Variants in SLC4A4 observed in about 807,000 individuals in gnomAD.
The protein encoded by SLC4A4 is solute carrier family 4 member 4.
Under a neutral mutation model 111.5 loss-of-function variants are expected in SLC4A4, and 27 were observed. The ratio of observed to expected loss-of-function variants is 0.24; its 90% CI spans 0.18 to 0.33. The LOEUF is 0.33. SLC4A4 is among the 10% of genes least tolerant of loss of function. The pLI, the probability that SLC4A4 is intolerant of heterozygous loss-of-function variation, is 1.00. For synonymous variants in SLC4A4, 443 were observed against 463.4 expected (o/e 0.96, Z 0.57); for missense variants, 909 against 1,315.5 (o/e 0.69, Z 4.78).
intron 1 of SLC4A4, among the ~76,000 whole-genome samples, chr4:71,086,881 C>G (rs1313153244): frequency 2.0e-5 from 3 of 151,898 alleles, no homozygotes; most frequent in African/African-American, 4.8e-5. Context: ...TTTGTTGTGT[C>G]TCTGCCAGGC....
chr4:71,502,328 T>A (rs920541022), intron 16 of SLC4A4, among the ~76,000 whole-genome samples: 1 of 152,212 alleles, frequency 6.6e-6, no homozygotes. Flanking sequence ...TGTCTTAGTC[T>A]TTATTTCTTC....
At chr4:71,389,470 C>T (rs1159574628) in intron 6 of SLC4A4, among the ~76,000 whole-genome samples, 1 of 152,200 alleles carries the variant, frequency 6.6e-6, no homozygotes, top group Non-Finnish European at 1.5e-5. Context: ...CCTTATTTCT[C>T]CTCCATCCTC....
At chr4:71,546,274 A>T in intron 18 of SLC4A4, 76 bp from the exon 19 acceptor site, 1 of 1,307,140 alleles carries the variant, frequency 7.7e-7, no homozygotes, top group Non-Finnish European at 1.1e-6. Flanking sequence ...TGGTCATCTT[A>T]ATTCCCCTCT....
chr4:71,164,666 C>T (rs1303905015), intron 2 of SLC4A4, among the ~76,000 whole-genome samples: 2 of 152,030 alleles, frequency 1.3e-5, no homozygotes, highest in Admixed American at 1.3e-4. Context: ...GACTAAAACA[C>T]CAAAAGCAAT....
Position 71,224,933 on chromosome 4 carries a change from A to G in SLC4A4, c.-1-11643A>G, listed in dbSNP as rs750434951. Among the ~76,000 whole-genome samples the G allele has an allele frequency of 3.9e-5, 6 of 152,346 alleles. No homozygotes were observed. In the South Asian group the frequency reaches 6.2e-4, roughly 16 times the overall value. ...TATTTAACTTCAAAATTAGAACTTTAAAGTGGGTGTGTGAAAAGTCCCTAC... is the reference window on the plus strand; with the variant it reads ...TATTTAACTTCAAAATTAGAACTTTGAAGTGGGTGTGTGAAAAGTCCCTAC... On this transcript the variant is annotated intron_variant, in intron 1 of 25. Coordinates refer to ENST00000264485, the MANE Select transcript of SLC4A4 (RefSeq NM_001098484.3).
intron 2 of SLC4A4, among the ~76,000 whole-genome samples, chr4:71,102,948 A>C (rs1168990151): frequency 6.7e-6 from 1 of 150,174 alleles, no homozygotes. Flanking sequence ...AATGGACTAA[A>C]TGCTCCAATT....
rs1206991271 is a variant in SLC4A4, at chr4:71,167,976, C to CT, written c.-1-68593dup. On this transcript the variant is annotated intron_variant, in intron 2 of 26. Coordinates refer to the SLC4A4 transcript ENST00000649996. ...TAGAATACCTAAGGCTGGGTAATGTCTTTTTTTATTTTTTGAAATTATTTA... is the reference window on the plus strand; with the variant it reads ...TAGAATACCTAAGGCTGGGTAATGTCTTTTTTTTATTTTTTGAAATTATTTA... Among the ~76,000 whole-genome samples, 3 of 151,412 alleles carry CT rather than the reference C, an allele frequency of 2.0e-5. No homozygotes were observed. The South Asian group carries it at 6.3e-4, about 32-fold the overall frequency.
intron 2 of SLC4A4, among the ~76,000 whole-genome samples, chr4:71,145,506 A>G (rs1744138311): frequency 6.6e-6 from 1 of 152,198 alleles, no homozygotes; most frequent in East Asian, 1.9e-4. Flanking sequence ...TGATTGGAAT[A>G]GTTTCAGAAG....
chr4:71,416,494 G>C (rs1721837637), intron 7 of SLC4A4, among the ~76,000 whole-genome samples: 1 of 152,078 alleles, frequency 6.6e-6, no homozygotes, highest in African/African-American at 2.4e-5. Context: ...TTCAGACCCT[G>C]CTTGACCATA....
chr4:71,571,776 C>A lies in SLC4A4; in HGVS notation c.*4025C>A, dbSNP rs1737947648. On this transcript the variant is annotated 3_prime_UTR_variant, in exon 26 of 26. Transcript: ENST00000264485. ...ACTTTTCAGAATCAATACGCACTTT[C>A]AGATATTCTTATTTTTATTCTCTTA... is the stretch of plus-strand genomic sequence containing the variant. The A allele has an allele frequency of 6.6e-6, 1 of 152,134 alleles. No individual in the cohort carries two copies. The highest frequency in any genetic ancestry group is 6.6e-5 in the Admixed American group (1 of 15,170). 9.4% of individuals were successfully genotyped at this position (152,134 alleles called of 1,614,324 possible). A position where few individuals can be genotyped will look rare whatever the true frequency, so the allele number is the denominator to read the frequency against.
intron 16 of SLC4A4, among the ~76,000 whole-genome samples, chr4:71,503,945 T>C (rs1458188563): frequency 6.6e-6 from 1 of 152,174 alleles, no homozygotes; most frequent in African/African-American, 2.4e-5. Context: ...TGGCTAACAG[T>C]TGGTTTTTGT....
chr4:71,561,281 T>A (rs761595124), intron 23 of SLC4A4, among the ~76,000 whole-genome samples: 1 of 151,860 alleles, frequency 6.6e-6, no homozygotes, highest in Non-Finnish European at 1.5e-5. Context: ...TGAGGAGATT[T>A]AGACTGAGAA....
intron 1 of SLC4A4, among the ~76,000 whole-genome samples, chr4:71,207,776 T>C (rs1717857290): frequency 6.6e-6 from 1 of 152,242 alleles, no homozygotes; most frequent in African/African-American, 2.4e-5. Context: ...TTTTCCTCTT[T>C]ATTTTCATTT....
intron 2 of SLC4A4, among the ~76,000 whole-genome samples, chr4:71,137,570 TTC>T (rs1743879620): frequency 6.6e-6 from 1 of 152,218 alleles, no homozygotes; most frequent in Non-Finnish European, 1.5e-5. Flanking sequence ...CAAACTCTCA[TTC>T]TAATAGTTCC....
chr4:71,519,354 G>A (rs186104602), intron 16 of SLC4A4, among the ~76,000 whole-genome samples: 1 of 152,256 alleles, frequency 6.6e-6, no homozygotes, highest in African/African-American at 2.4e-5. Flanking sequence ...TAATTTCTCA[G>A]TCATTGATAA....
intron 6 of SLC4A4, among the ~76,000 whole-genome samples, chr4:71,381,408 A>T (rs1718128973): frequency 6.6e-6 from 1 of 152,140 alleles, no homozygotes; most frequent in African/African-American, 2.4e-5. Flanking sequence ...ACTTCCTCTT[A>T]CCCAGATAGT....
At chr4:71,462,116 G>A (rs1170097551) in intron 12 of SLC4A4, among the ~76,000 whole-genome samples, 2 of 152,062 alleles carry the variant, frequency 1.3e-5, no homozygotes, top group East Asian at 1.9e-4. Context: ...AATAGAGAGA[G>A]GCTGAAAAGA....
intron 16 of SLC4A4, among the ~76,000 whole-genome samples, chr4:71,517,534 G>A (rs1435105256): frequency 1.3e-5 from 2 of 151,900 alleles, no homozygotes; most frequent in Non-Finnish European, 2.9e-5. Context: ...TGATTTTGTA[G>A]CATCCTGTCT....
rs905302173 is a variant in SLC4A4, at chr4:71,570,471, A to G, written c.*2720A>G. On this transcript the variant is annotated 3_prime_UTR_variant, in exon 26 of 26. Transcript: ENST00000264485. ...ACCTGAGGTTTACCTAGTGACACCA[A>G]ATTATCGGTATTTTAACTGAATTTA... The G allele has an allele frequency of 1.3e-5, 2 of 152,204 alleles. No homozygotes were observed. Among genetic ancestry groups the G allele is most frequent in the Non-Finnish European group, 1.5e-5 (1 of 67,850 alleles). 9.4% of individuals were successfully genotyped at this position (152,204 alleles called of 1,614,324 possible).
Sources: gnomAD v4.1 joint callset for allele counts (sites outside exome capture counted in the v4.1 genomes callset) on GRCh38, gnomAD v4.1.1 for gene constraint, MANE v1.5 for transcripts, NCBI Gene and HGNC (gene_info 2026-07-23, HGNC 2026-07-21) for gene names.